Variants in THOC5 observed in about 807,000 individuals in gnomAD.
The protein encoded by THOC5 is Fms-interacting protein.
THOC5 carries 43 observed loss-of-function variants against 92.9 expected under a neutral mutation model. That is an observed-to-expected ratio of 0.46 (90% CI 0.36 to 0.60). The LOEUF (loss-of-function observed/expected upper bound fraction) is 0.60. THOC5 is among the 20% of genes least tolerant of loss of function. The probability of loss-of-function intolerance (pLI) is 0.00; values close to 1 mark genes in which losing one functional copy is unlikely to be tolerated. For missense variants in THOC5, 659 were observed against 849.4 expected (o/e 0.78, Z 2.79); for synonymous variants, 296 against 320.1 (o/e 0.92, Z 0.80).
At chr22:29,517,780 A>G (rs2063362052) in intron 15 of THOC5, among the ~76,000 whole-genome samples, 1 of 152,242 alleles carries the variant, frequency 6.6e-6, no homozygotes, top group Non-Finnish European at 1.5e-5. Flanking sequence ...AGAGCCAGAT[A>G]ACTGCTCCAG....
At chr22:29,542,349 G>A (rs539545453) in intron 5 of THOC5, among the ~76,000 whole-genome samples, 1 of 152,178 alleles carries the variant, frequency 6.6e-6, no homozygotes, top group African/African-American at 2.4e-5. Context: ...AAAGGTCAGA[G>A]AGACTTCTGA....
intron 2 of THOC5, among the ~76,000 whole-genome samples, chr22:29,545,822 G>A (rs1167028439): frequency 9.9e-5 from 15 of 152,174 alleles, no homozygotes; most frequent in Admixed American, 9.8e-4. Flanking sequence ...CAAGCCGTTC[G>A]TGGATCTACC....
At chr22:29,531,692 G>A in intron 8 of THOC5, 139 bp downstream of exon 8, 6 of 1,472,278 alleles carry the variant, frequency 4.1e-6, no homozygotes, top group Non-Finnish European at 5.4e-6. Flanking sequence ...GGGCAATGCA[G>A]AGGGAAGAAA....
intron 9 of THOC5, 166 bp downstream of exon 9, chr22:29,528,996 T>A: frequency 1.5e-6 from 1 of 664,942 alleles, no homozygotes; most frequent in Admixed American, 2.9e-5. Context: ...CCGCACCTTG[T>A]GACTCCGGGA....
chr22:29,516,618 G>A (rs970988074), intron 17 of THOC5, among the ~76,000 whole-genome samples: 1 of 152,248 alleles, frequency 6.6e-6, no homozygotes, highest in East Asian at 1.9e-4. Flanking sequence ...AGGGACTGCA[G>A]AAGAGGGAGC....
intron 17 of THOC5, among the ~76,000 whole-genome samples, chr22:29,515,930 C>T (rs1215773083): frequency 6.6e-6 from 1 of 152,068 alleles, no homozygotes; most frequent in Non-Finnish European, 1.5e-5. Flanking sequence ...GAGTTTGAGA[C>T]CAGGCTTGGC....
At position 29,536,748 on chromosome 22, in the gene THOC5, G is replaced by A. The variant is rs749286800; in HGVS notation, c.600-10C>T. 13 of 1,513,724 alleles carry A rather than the reference G, an allele frequency of 8.6e-6. No homozygotes were observed. The Admixed American group carries it at 1.8e-4, about 21-fold the overall frequency. 93.8% of individuals were successfully genotyped at this position (1,513,724 alleles called of 1,614,324 possible). ...GTACTTCTCTGCCAGCCTGTTGGGG[G>A]AGGAAAGAGCATTGTCACCTGATAT... On this transcript the variant is annotated splice_polypyrimidine_tract_variant and intron_variant, in intron 6 of 19. Transcript: ENST00000490103.
At chr22:29,530,452 A>T (rs1280766176) in intron 8 of THOC5, among the ~76,000 whole-genome samples, 1 of 150,360 alleles carries the variant, frequency 6.7e-6, no homozygotes, top group Non-Finnish European at 1.5e-5. Flanking sequence ...CCTGGGAAGC[A>T]GAGGTTGCAG....
chr22:29,520,936 G>T, intron 13 of THOC5, 62 bp downstream of exon 13: 5 of 1,337,200 alleles, frequency 3.7e-6, no homozygotes, highest in Non-Finnish European at 5.4e-6. Context: ...CCAGCATTTA[G>T]CTTGAGCCAC....
intron 12 of THOC5, among the ~76,000 whole-genome samples, chr22:29,524,213 C>T (rs1374028285): frequency 6.6e-6 from 1 of 152,222 alleles, no homozygotes; most frequent in East Asian, 1.9e-4. Context: ...TAATTCTCCA[C>T]TCTCTACCTG....
chr22:29,508,168 G>C lies in THOC5; in HGVS notation c.*289C>G. 1 of 464,018 alleles carries C rather than the reference G, an allele frequency of 2.2e-6. No homozygotes were observed. The allele number at this position is 464,018 out of a possible 1,614,324, so 28.7% of individuals were successfully genotyped here. Reference sequence around the variant, plus strand: ...AATAGGGTGTGCGTAGACAAGAGGTGAGCATCTCTCTGCAGAATTGGAATC... The same window carrying C: ...AATAGGGTGTGCGTAGACAAGAGGTCAGCATCTCTCTGCAGAATTGGAATC... On this transcript the variant is annotated 3_prime_UTR_variant, in exon 20 of 20. Coordinates refer to ENST00000490103, the MANE Select transcript of THOC5 (RefSeq NM_003678.5).
rs184844481 is a variant in THOC5, at chr22:29,506,206, A to G, written c.*2251T>C. ...ATGGAGTACTGATGGTGGGGTCAAG[A>G]TACACTTTTTGACAAAACTGTCCAA... is the stretch of plus-strand genomic sequence containing the variant. On this transcript the variant is annotated 3_prime_UTR_variant, in exon 20 of 20. Coordinates refer to ENST00000490103, the MANE Select transcript of THOC5 (RefSeq NM_003678.5). The G allele has an allele frequency of 1.3e-5, 2 of 152,274 alleles. No individual in the cohort carries two copies. The highest frequency in any genetic ancestry group is 2.9e-5 in the Non-Finnish European group (2 of 68,008). 9.4% of individuals were successfully genotyped at this position (152,274 alleles called of 1,614,324 possible).
chr22:29,528,217 T>C (rs376416340), intron 10 of THOC5, 40 bp from the exon 11 acceptor site: 21 of 1,613,972 alleles, frequency 1.3e-5, no homozygotes, highest in African/African-American at 8.0e-5. Flanking sequence ...GCATCAGTCA[T>C]AGCAATCTCC....
chr22:29,512,275 A>G lies in THOC5; in HGVS notation c.1682-139T>C, dbSNP rs550600031. The G allele has an allele frequency of 1.5e-4, 99 of 652,758 alleles. No individual in the cohort carries two copies. In the African/African-American group the frequency reaches 1.6e-3, roughly 11 times the overall value. The allele number at this position is 652,758 out of a possible 1,614,324, so 40.4% of individuals were successfully genotyped here. On this transcript the variant is annotated intron_variant, in intron 17 of 19. Transcript: ENST00000490103. The stretch of plus-strand genomic sequence containing the variant: ...TGCTGCAGAGTATATTCTGGTACCA[A>G]CTGTTCCAGAATGTCCTAAGTGGAA...
chr22:29,535,103 A>C (rs1005072240), intron 7 of THOC5: 21 of 151,802 alleles, frequency 1.4e-4, no homozygotes, highest in African/African-American at 5.1e-4. Flanking sequence ...ATCTCTACTA[A>C]AAATACAAAA....
intron 13 of THOC5, 49 bp downstream of exon 13, chr22:29,520,949 G>C: frequency 1.4e-6 from 2 of 1,456,448 alleles, no homozygotes; most frequent in Non-Finnish European, 1.9e-6. Flanking sequence ...TGAGCCACCA[G>C]AGAAACTCAG....
chr22:29,539,434 A>C lies in THOC5; in HGVS notation c.495T>G (p.Phe165Leu). ...TGATATCTGGTGGAGCCTCCTTATA[A>C]AACTCCTCTAAACTGACCAGATCAA... ...EEIDLVSLEE[F>L]YKEAPPDISK... Residue 165 changes from phenylalanine (F) to leucine (L), a missense_variant, in exon 6 of 20, where the codon TTT (phenylalanine) becomes TTG (leucine). Physicochemically the swap from Phe to Leu is conservative, Grantham distance 22. Coordinates refer to ENST00000490103, the MANE Select transcript of THOC5 (RefSeq NM_003678.5). 1 of 1,614,062 alleles carries C rather than the reference A, an allele frequency of 6.2e-7. No homozygotes were observed. Among genetic ancestry groups the C allele is most frequent in the Non-Finnish European group, 8.5e-7 (1 of 1,180,008 alleles).
intron 5 of THOC5, among the ~76,000 whole-genome samples, chr22:29,541,399 C>G (rs1313490934): frequency 6.7e-6 from 1 of 149,254 alleles, no homozygotes; most frequent in Non-Finnish European, 1.5e-5. Flanking sequence ...CCCAGCTACT[C>G]AGGAGGCTGA....
intron 7 of THOC5, chr22:29,534,663 A>G (rs1020523669): frequency 1.3e-5 from 2 of 152,170 alleles, no homozygotes; most frequent in African/African-American, 4.8e-5. Flanking sequence ...GTAAAATAAA[A>G]AGCATTTTAG....
Sources: allele counts gnomAD v4.1 joint callset (sites outside exome capture counted in the v4.1 genomes callset), GRCh38; gene constraint gnomAD v4.1.1; transcripts MANE v1.5; gene names NCBI Gene and HGNC (gene_info 2026-07-23, HGNC 2026-07-21).